The following PTPRT variants were observed in gnomAD, a reference collection of about 807,000 sequenced individuals.
PTPRT encodes the protein protein tyrosine phosphatase receptor type T.
PTPRT carries 56 observed loss-of-function variants against 176.8 expected under a neutral mutation model. The ratio of observed to expected loss-of-function variants is 0.32; its 90% CI spans 0.26 to 0.40. The LOEUF (loss-of-function observed/expected upper bound fraction) is 0.40. Among genes scored for constraint, PTPRT ranks in the 10% least tolerant of loss-of-function variants. The pLI, the probability that PTPRT is intolerant of heterozygous loss-of-function variation, is 1.00. For missense variants in PTPRT, 1,540 were observed against 1,908.2 expected (o/e 0.81, Z 3.60); for synonymous variants, 783 against 739.0 (o/e 1.06, Z -0.96).
chr20:42,922,514 C>G (rs1465724433), intron 1 of PTPRT, among the ~76,000 whole-genome samples: 4 of 152,242 alleles, frequency 2.6e-5, no homozygotes, highest in Non-Finnish European at 5.9e-5. Flanking sequence ...CTCACATGCC[C>G]AAAGCCAATA....
At chr20:42,215,977 A>G (rs1050657333) in intron 15 of PTPRT, among the ~76,000 whole-genome samples, 1 of 152,184 alleles carries the variant, frequency 6.6e-6, no homozygotes, top group Non-Finnish European at 1.5e-5. Context: ...CTATATCCCA[A>G]CAAAGCCTGT....
intron 13 of PTPRT, chr20:42,270,457 A>C (rs2146999483): frequency 6.5e-7 from 1 of 1,534,518 alleles, no homozygotes; most frequent in Non-Finnish European, 8.8e-7. Context: ...ATTGGTGCTG[A>C]CCACAAGGAA....
chr20:42,364,020 C>A (rs998769404), intron 9 of PTPRT, among the ~76,000 whole-genome samples: 1 of 152,064 alleles, frequency 6.6e-6, no homozygotes, highest in Admixed American at 6.5e-5. Context: ...TTGAGTGCAT[C>A]GTTGGGGGCA....
At chr20:42,982,388 T>C (rs559890179) in intron 1 of PTPRT, among the ~76,000 whole-genome samples, 3 of 152,148 alleles carry the variant, frequency 2.0e-5, no homozygotes, top group African/African-American at 7.2e-5. Context: ...GTGATAAAGA[T>C]TATGCAAGAA....
At chr20:42,265,978 C>T (rs1461520603) in intron 13 of PTPRT, among the ~76,000 whole-genome samples, 2 of 151,900 alleles carry the variant, frequency 1.3e-5, no homozygotes, top group Admixed American at 6.6e-5. Flanking sequence ...GAATTTCCAG[C>T]GAAATAATAA....
chr20:42,722,767 T>G (rs563377180), intron 6 of PTPRT, among the ~76,000 whole-genome samples: 13 of 152,334 alleles, frequency 8.5e-5, no homozygotes, highest in Non-Finnish European at 1.6e-4. Flanking sequence ...ATTTTTATTT[T>G]TACTTAAGCT....
intron 11 of PTPRT, among the ~76,000 whole-genome samples, chr20:42,317,337 G>A (rs2145382505): frequency 6.6e-6 from 1 of 152,264 alleles, no homozygotes; most frequent in Non-Finnish European, 1.5e-5. Flanking sequence ...TTTAAGGTTT[G>A]TAAGTTGGAG....
chr20:42,823,618 A>ATTT (rs1215838182), intron 2 of PTPRT, among the ~76,000 whole-genome samples: 2 of 152,180 alleles, frequency 1.3e-5, no homozygotes, highest in African/African-American at 4.8e-5. Flanking sequence ...CTCTATTAGA[A>ATTT]TAACAGCGCC....
At chr20:43,056,105 T>C (rs1388164544) in intron 1 of PTPRT, among the ~76,000 whole-genome samples, 1 of 152,108 alleles carries the variant, frequency 6.6e-6, no homozygotes, top group Non-Finnish European at 1.5e-5. Flanking sequence ...AAGAGTCAAA[T>C]CCAAAACCTG....
intron 2 of PTPRT, among the ~76,000 whole-genome samples, chr20:42,824,979 T>G (rs1216417474): frequency 6.6e-6 from 1 of 152,092 alleles, no homozygotes; most frequent in African/African-American, 2.4e-5. Flanking sequence ...AAAATATATT[T>G]GGCTATATAA....
At position 42,616,749 on chromosome 20, in the gene PTPRT, T is replaced by A. The variant is rs1268144307; in HGVS notation, c.1153+61117A>T. On this transcript the variant is annotated intron_variant, in intron 7 of 30. Transcript: ENST00000373187. ...ATTTGGCTCTCTGTTTGTCTGTTGTTGGTGTATAAGAATGCTTGTGATTTT... is the reference window on the plus strand; with the variant it reads ...ATTTGGCTCTCTGTTTGTCTGTTGTAGGTGTATAAGAATGCTTGTGATTTT... Among the ~76,000 whole-genome samples the A allele has an allele frequency of 2.4e-5, 3 of 127,272 alleles. 1 individual carries two copies. The highest frequency in any genetic ancestry group is 1.1e-4 in the African/African-American group (3 of 26,480). 83.5% of individuals were successfully genotyped at this position (127,272 alleles called of 152,430 possible).
intron 2 of PTPRT, among the ~76,000 whole-genome samples, chr20:42,856,325 G>T (rs993211725): frequency 3.3e-5 from 5 of 152,048 alleles, no homozygotes; most frequent in African/African-American, 7.2e-5. Context: ...TCAGGTAACT[G>T]CCCCCACTGA....
intron 14 of PTPRT, among the ~76,000 whole-genome samples, chr20:42,245,154 GA>G (rs1347116756): frequency 6.6e-6 from 1 of 152,200 alleles, no homozygotes; most frequent in Non-Finnish European, 1.5e-5. Context: ...AGATCCAGAG[GA>G]AAAAGATGGA....
Position 42,325,041 on chromosome 20 carries a change from CAA to C in PTPRT, c.1866-9047_1866-9046del, listed in dbSNP as rs534357672. On this transcript the variant is annotated intron_variant, in intron 11 of 30. Coordinates refer to ENST00000373187, the MANE Select transcript of PTPRT (RefSeq NM_007050.6). ...CTCAATAAAGTAAACATAGCAGGTTCAAATTTGAATGCAACCTGGCCACTGGG... is the reference window on the plus strand; with the variant it reads ...CTCAATAAAGTAAACATAGCAGGTTCATTTGAATGCAACCTGGCCACTGGG... Among the ~76,000 whole-genome samples, 22 of 152,264 alleles carry C rather than the reference CAA, an allele frequency of 1.4e-4. No homozygotes were observed. The East Asian group carries it at 4.2e-3, about 29-fold the overall frequency.
chr20:42,926,321 C>G (rs902173961), intron 1 of PTPRT, among the ~76,000 whole-genome samples: 1 of 152,234 alleles, frequency 6.6e-6, no homozygotes, highest in African/African-American at 2.4e-5. Flanking sequence ...ACTGCCCTCT[C>G]CCAGGTCACA....
rs62203785 is a variant in PTPRT at position 42,568,451 on chromosome 20, G to A, written c.1154-95889C>T. 7.7e-3 allele frequency among the ~76,000 whole-genome samples: 1,172 copies of A among 152,308 alleles called. 9 individuals carry two copies. The highest frequency in any genetic ancestry group is 0.013 in the Admixed American group (193 of 15,302). Reference sequence around the variant, plus strand: ...TGATGTGTTTACCACTGCTCACTTCGTAAGTGGAGCTAGGTCTCCGAAGTC... The same window carrying A: ...TGATGTGTTTACCACTGCTCACTTCATAAGTGGAGCTAGGTCTCCGAAGTC... On this transcript the variant is annotated intron_variant, in intron 7 of 30. Coordinates refer to ENST00000373187, the MANE Select transcript of PTPRT (RefSeq NM_007050.6).
intron 26 of PTPRT, among the ~76,000 whole-genome samples, chr20:42,100,918 C>A (rs1349406253): frequency 6.6e-6 from 1 of 152,174 alleles, no homozygotes; most frequent in Non-Finnish European, 1.5e-5. Flanking sequence ...CCAGGGCAGG[C>A]CCCTAGAGAG....
chr20:42,033,939 T>C, the PTPRT span, among the ~76,000 whole-genome samples: 1 of 152,224 alleles, frequency 6.6e-6, no homozygotes, highest in Non-Finnish European at 1.5e-5. Flanking sequence ...CTAATTATGG[T>C]CCCAGAGCCC....
chr20:42,748,757 A>C (rs1408719545), intron 6 of PTPRT, among the ~76,000 whole-genome samples: 1 of 152,080 alleles, frequency 6.6e-6, no homozygotes, highest in East Asian at 1.9e-4. Context: ...CCAGAAAATT[A>C]AGACCCCCAA....
Sources: allele counts gnomAD v4.1 joint callset (sites outside exome capture counted in the v4.1 genomes callset), GRCh38; gene constraint gnomAD v4.1.1; transcripts MANE v1.5; gene names NCBI Gene and HGNC (gene_info 2026-07-23, HGNC 2026-07-21).